KIFC3: variants seen among roughly 807,000 people sequenced by gnomAD.
KIFC3 encodes the protein kinesin-like protein KIFC3.
KIFC3 carries 60 observed loss-of-function variants against 101.8 expected under a neutral mutation model. That is an observed-to-expected ratio of 0.59 (90% CI 0.48 to 0.73). The LOEUF is 0.73. KIFC3 is among the 30% of genes least tolerant of loss of function. The pLI is 0.00. For synonymous variants in KIFC3, 476 were observed against 482.7 expected (o/e 0.99, Z 0.18); for missense variants, 966 against 1,137.1 (o/e 0.85, Z 2.16).
chr16:57,790,662 C>A (rs2053796356), intron 3 of KIFC3, among the ~76,000 whole-genome samples: 1 of 152,144 alleles, frequency 6.6e-6, no homozygotes, highest in Admixed American at 6.6e-5. Context: ...AACAGGACCG[C>A]CTCATTGAGC....
rs191932879 is a variant in KIFC3, at chr16:57,780,719, G to T, written c.316-8431C>A. On this transcript the variant is annotated intron_variant, in intron 3 of 19. Coordinates refer to ENST00000445690, the MANE Select transcript of KIFC3 (RefSeq NM_001130100.2). ...AGATAGAGTCTTGCTCTGTCACCCA[G>T]GCTGGAGTGCAGTGGCGCAATCTTG... Among the ~76,000 whole-genome samples the T allele has an allele frequency of 8.7e-4, 104 of 119,856 alleles. 1 individual carries two copies. Among genetic ancestry groups the T allele is most frequent in the African/African-American group, 3.2e-3 (101 of 31,374 alleles). The allele number at this position is 119,856 out of a possible 152,430, so 78.6% of individuals were successfully genotyped here. A position where few individuals can be genotyped will look rare whatever the true frequency, so the allele number is the denominator to read the frequency against.
intron 1 of KIFC3, among the ~76,000 whole-genome samples, chr16:57,812,871 G>C (rs1555628043): frequency 6.6e-6 from 1 of 152,240 alleles, no homozygotes; most frequent in East Asian, 1.9e-4. Context: ...CTGCTTGGCA[G>C]TTGTGGGGCA....
intron 1 of KIFC3, among the ~76,000 whole-genome samples, chr16:57,839,717 G>A (rs1368527333): frequency 6.6e-6 from 1 of 151,956 alleles, no homozygotes; most frequent in Admixed American, 6.6e-5. Context: ...AGGCATTTTG[G>A]CTAACATTAT....
chr16:57,858,108 G>A (rs139001350), intron 1 of KIFC3, among the ~76,000 whole-genome samples: 13 of 151,964 alleles, frequency 8.6e-5, no homozygotes, highest in African/African-American at 1.7e-4. Context: ...GAGCCACCGC[G>A]CCTGGCCCCA....
upstream of KIFC3, chr16:57,802,558 A>AC (rs2054810911): frequency 1.0e-6 from 1 of 990,204 alleles, no homozygotes; most frequent in Non-Finnish European, 1.2e-6. The surrounding 1 kb of genome is among the most constrained non-coding windows in gnomAD (Gnocchi z 5.0). Context: ...ACCGGCTCCG[A>AC]CCCCGGCGGG....
chr16:57,801,815 C>G (rs560838453), intron 1 of KIFC3, among the ~76,000 whole-genome samples: 2 of 152,276 alleles, frequency 1.3e-5, no homozygotes, highest in Non-Finnish European at 2.9e-5. Flanking sequence ...GTCCTGGGAT[C>G]GCCCTCCCTG....
chr16:57,764,027 G>C (rs2050168141), intron 12 of KIFC3, 116 bp downstream of exon 12: 2 of 767,628 alleles, frequency 2.6e-6, no homozygotes, highest in South Asian at 3.2e-5. Flanking sequence ...CTGCTCCTGG[G>C]TTGTGAGGAC....
intron 1 of KIFC3, among the ~76,000 whole-genome samples, chr16:57,798,992 T>C (rs1019343172): frequency 6.6e-6 from 1 of 152,152 alleles, no homozygotes; most frequent in Non-Finnish European, 1.5e-5. Flanking sequence ...AGATGAGGCC[T>C]GAAAACTCCC....
chr16:57,815,599 C>T, intron 1 of KIFC3: 2 of 1,289,950 alleles, frequency 1.6e-6, no homozygotes, highest in South Asian at 1.2e-5. Context: ...TGGGGGTGCC[C>T]CCACATGGCT....
intron 3 of KIFC3, among the ~76,000 whole-genome samples, chr16:57,784,983 C>T (rs2053167281): frequency 6.6e-6 from 1 of 152,200 alleles, no homozygotes; most frequent in Non-Finnish European, 1.5e-5. Flanking sequence ...CCCCAACATG[C>T]ACTCAAACTA....
intron 3 of KIFC3, among the ~76,000 whole-genome samples, chr16:57,778,057 G>A (rs1555612689): frequency 6.6e-6 from 1 of 152,148 alleles, no homozygotes; most frequent in African/African-American, 2.4e-5. Flanking sequence ...GGTAGGAGGA[G>A]TGCTCGAGCC....
At chr16:57,771,142 G>C (rs2051136979) in intron 6 of KIFC3, 56 bp downstream of exon 6, 2 of 1,596,448 alleles carry the variant, frequency 1.3e-6, no homozygotes, top group African/African-American at 1.3e-5. Context: ...GGCTAGCCCT[G>C]CCCCAGGTGC....
chr16:57,788,590 T>G lies in KIFC3; in HGVS notation c.315+6409A>C, dbSNP rs1343177788. On this transcript the variant is annotated intron_variant, in intron 3 of 19. Transcript: ENST00000445690. ...CCTGCTTTACCTGTATTCTCTACAT[T>G]CATGGTGCCACCAGCTTCCCGGGCC... is the stretch of plus-strand genomic sequence containing the variant. 2.3e-6 allele frequency: 3 copies of G among 1,288,914 alleles called. No homozygotes were observed. In the African/African-American group the frequency reaches 4.6e-5, roughly 20 times the overall value. 79.8% of individuals were successfully genotyped at this position (1,288,914 alleles called of 1,614,324 possible).
At chr16:57,833,410 T>C (rs1290225180) in intron 1 of KIFC3, among the ~76,000 whole-genome samples, 4 of 152,002 alleles carry the variant, frequency 2.6e-5, no homozygotes, top group African/African-American at 9.7e-5. Flanking sequence ...ACAACACTCT[T>C]CAGATGTGGA....
chr16:57,769,739 C>CGG lies in KIFC3; in HGVS notation c.1088-16_1088-15dup, dbSNP rs1567965165. On this transcript the variant is annotated splice_polypyrimidine_tract_variant and intron_variant, in intron 8 of 19. Coordinates refer to ENST00000445690, the MANE Select transcript of KIFC3 (RefSeq NM_001130100.2). This position sits in a 1 kb window ranked among gnomAD's most constrained non-coding sequence, Gnocchi z 4.3. Reference sequence around the variant, plus strand: ...TGGTCCGGACGCCTATGGGGACACTCGGGCTGTGAGGCGGGAGGGGATGAG... The same window carrying CGG: ...TGGTCCGGACGCCTATGGGGACACTCGGGGGCTGTGAGGCGGGAGGGGATGAG... 25 of 1,612,860 alleles carry CGG rather than the reference C, an allele frequency of 1.6e-5. No individual in the cohort carries two copies. The Middle Eastern group carries it at 1.8e-3, about 118-fold the overall frequency.
In KIFC3 at chr16:57,771,266, G is replaced by A; in HGVS notation, c.697C>T (p.Leu233Phe). ...TGGCTGTCACGCAGGCGCCGACTAAGCCGCTCCTCCTCCTGTGCCTTCTCA... is the reference window on the plus strand; with the variant it reads ...TGGCTGTCACGCAGGCGCCGACTAAACCGCTCCTCCTCCTGTGCCTTCTCA... The part of the protein sequence containing the change: ...LAEKAQEEER[L>F]SRRLRDSHET... Residue 233 changes from leucine (L) to phenylalanine (F), a missense_variant, in exon 6 of 20, where the codon CTT becomes TTT. By Grantham distance (22) the Leu-to-Phe change is conservative (BLOSUM62 0). Around this residue, in one of 2 missense-constraint regions of KIFC3, gnomAD observed 689 missense variants for 884.6 expected, o/e 0.78. Coordinates refer to ENST00000445690, the MANE Select transcript of KIFC3 (RefSeq NM_001130100.2). The A allele has an allele frequency of 6.2e-7, 1 of 1,613,356 alleles. No individual in the cohort carries two copies. Among genetic ancestry groups the A allele is most frequent in the Non-Finnish European group, 8.5e-7 (1 of 1,180,022 alleles).
intron 1 of KIFC3, among the ~76,000 whole-genome samples, chr16:57,859,657 G>A (rs1017241): frequency 0.19 from 28,203 of 152,068 alleles, 2,970 homozygotes; most frequent in African/African-American, 0.28. Context: ...ACCAGTTACA[G>A]TGGGAGGGCA....
chr16:57,783,639 A>G (rs1555616094), intron 3 of KIFC3, among the ~76,000 whole-genome samples: 1 of 151,408 alleles, frequency 6.6e-6, no homozygotes, highest in African/African-American at 2.4e-5. Context: ...CACCCAGCTA[A>G]TTTTTGTATT....
chr16:57,840,757 T>A (rs2055788250), intron 1 of KIFC3, among the ~76,000 whole-genome samples: 1 of 132,900 alleles, frequency 7.5e-6, no homozygotes. Flanking sequence ...CGAAACTCTG[T>A]CTCAAAAAAA....
Sources: gnomAD v4.1 joint callset for allele counts (sites outside exome capture counted in the v4.1 genomes callset) on GRCh38, gnomAD v4.1.1 for gene constraint, gnomAD v4.1.1 regional missense constraint, Gnocchi (gnomAD v3.1) non-coding constraint, MANE v1.5 for transcripts, NCBI Gene and HGNC (gene_info 2026-07-23, HGNC 2026-07-21) for gene names.